Variants in CNTNAP2 observed in about 807,000 individuals in gnomAD.
CNTNAP2 encodes contactin-associated protein-like 2.
Under a neutral mutation model 155.2 loss-of-function variants are expected in CNTNAP2, and 98 were observed. The ratio of observed to expected loss-of-function variants is 0.63; its 90% CI spans 0.54 to 0.75. CNTNAP2 has a LOEUF of 0.75. Among genes scored for constraint, CNTNAP2 ranks in the 30% least tolerant of loss-of-function variants. The pLI, the probability that CNTNAP2 is intolerant of heterozygous loss-of-function variation, is 0.00. For missense variants in CNTNAP2, 1,727 were observed against 1,688.1 expected (o/e 1.02, Z -0.40); for synonymous variants, 651 against 631.2 (o/e 1.03, Z -0.47).
intron 8 of CNTNAP2, among the ~76,000 whole-genome samples, chr7:147,265,441 T>G (rs112916831): frequency 6.6e-6 from 1 of 152,128 alleles, no homozygotes. Context: ...CCCTCCTCAC[T>G]GAGTGGGCCC....
intron 11 of CNTNAP2, among the ~76,000 whole-genome samples, chr7:147,530,749 A>G (rs1168732393): frequency 1.3e-5 from 2 of 152,114 alleles, no homozygotes; most frequent in African/African-American, 2.4e-5. Context: ...ATGTCCTCAC[A>G]TTTCAAAACC....
chr7:146,730,321 A>T (rs925148920), intron 1 of CNTNAP2, among the ~76,000 whole-genome samples: 2 of 152,174 alleles, frequency 1.3e-5, no homozygotes, highest in Admixed American at 6.5e-5. Context: ...TTTCATTGTC[A>T]TTTAATTGCT....
At chr7:148,411,011 AAAT>A (rs1287384137) in intron 23 of CNTNAP2, among the ~76,000 whole-genome samples, 1 of 152,164 alleles carries the variant, frequency 6.6e-6, no homozygotes, top group Non-Finnish European at 1.5e-5. Flanking sequence ...TGCACAATGA[AAAT>A]AATAAAAACT....
chr7:148,266,191 A>C (rs758149070), intron 20 of CNTNAP2, among the ~76,000 whole-genome samples: 40 of 152,248 alleles, frequency 2.6e-4, no homozygotes, highest in Non-Finnish European at 2.8e-4. Flanking sequence ...CTTAGCACGT[A>C]TTAAACTCAC....
At chr7:147,912,887 C>G (rs759796220) in intron 14 of CNTNAP2, among the ~76,000 whole-genome samples, 2 of 152,170 alleles carry the variant, frequency 1.3e-5, no homozygotes, top group Non-Finnish European at 2.9e-5. Context: ...CAAAGGTGTG[C>G]GTCAATCACC....
At chr7:148,162,102 T>TA (rs1170742572) in intron 17 of CNTNAP2, among the ~76,000 whole-genome samples, 9 of 151,912 alleles carry the variant, frequency 5.9e-5, no homozygotes, top group Non-Finnish European at 7.4e-5. Flanking sequence ...ACTCCGGATT[T>TA]AAAAAAAGAC....
chr7:146,268,162 T>C (rs1800023818), intron 1 of CNTNAP2, among the ~76,000 whole-genome samples: 1 of 152,200 alleles, frequency 6.6e-6, no homozygotes, highest in South Asian at 2.1e-4. Flanking sequence ...GGAGAACTTT[T>C]AACTTTGCCT....
intron 13 of CNTNAP2, among the ~76,000 whole-genome samples, chr7:147,654,831 T>G (rs1017600919): frequency 4.8e-5 from 7 of 145,074 alleles, no homozygotes; most frequent in African/African-American, 1.8e-4. Context: ...TTTTTTTTTT[T>G]GAGACTGAGT....
chr7:147,191,439 C>T (rs1802679200), intron 8 of CNTNAP2, among the ~76,000 whole-genome samples: 1 of 152,120 alleles, frequency 6.6e-6, no homozygotes, highest in Non-Finnish European at 1.5e-5. Flanking sequence ...GCTTTACAGG[C>T]TGTGCTCACA....
chr7:147,978,734 T>C (rs903849467), intron 15 of CNTNAP2, among the ~76,000 whole-genome samples: 4 of 152,144 alleles, frequency 2.6e-5, no homozygotes, highest in Non-Finnish European at 4.4e-5. Flanking sequence ...CATCGTTTTC[T>C]CTCTTCTTTC....
At chr7:147,054,449 AT>A (rs1799524581) in intron 4 of CNTNAP2, among the ~76,000 whole-genome samples, 1 of 152,116 alleles carries the variant, frequency 6.6e-6, no homozygotes. Flanking sequence ...TACTTTTTAT[AT>A]ATATGTTAAT....
chr7:148,163,236 G>T (rs1217555875), intron 17 of CNTNAP2, among the ~76,000 whole-genome samples: 1 of 152,080 alleles, frequency 6.6e-6, no homozygotes, highest in Non-Finnish European at 1.5e-5. Flanking sequence ...GCTACTTACT[G>T]GCTATATGAC....
intron 15 of CNTNAP2, among the ~76,000 whole-genome samples, chr7:148,068,544 T>C (rs1803313766): frequency 6.6e-6 from 1 of 152,218 alleles, no homozygotes; most frequent in Non-Finnish European, 1.5e-5. Context: ...AGTGTAGATA[T>C]TTTTATATCC....
At chr7:146,152,626 A>G (rs1281287607) in intron 1 of CNTNAP2, among the ~76,000 whole-genome samples, 1 of 152,142 alleles carries the variant, frequency 6.6e-6, no homozygotes, top group Admixed American at 6.6e-5. Context: ...TGTACTGTGC[A>G]TGGTAAATAC....
chr7:146,465,738 A>T (rs1364704430), intron 1 of CNTNAP2, among the ~76,000 whole-genome samples: 2 of 152,178 alleles, frequency 1.3e-5, no homozygotes, highest in African/African-American at 4.8e-5. Flanking sequence ...TTGATACGGC[A>T]GGATAGGTTA....
At chr7:148,152,801 A>C (rs2116660345) in intron 17 of CNTNAP2, among the ~76,000 whole-genome samples, 1 of 152,234 alleles carries the variant, frequency 6.6e-6, no homozygotes, top group South Asian at 2.1e-4. Context: ...TGGGGGGATC[A>C]CGAAGTCAGG....
chr7:148,020,932 A>G (rs1018488808), intron 15 of CNTNAP2, among the ~76,000 whole-genome samples: 1 of 152,162 alleles, frequency 6.6e-6, no homozygotes, highest in Non-Finnish European at 1.5e-5. Context: ...AACAGGCGCC[A>G]CCTGCCACTT....
chr7:146,352,699 A>AG (rs112214893), intron 1 of CNTNAP2, among the ~76,000 whole-genome samples: 30,631 of 147,158 alleles, frequency 0.21, 6,712 homozygotes, highest in African/African-American at 0.56. Context: ...TGAGGTAAAA[A>AG]AAAATGAAAT....
intron 13 of CNTNAP2, among the ~76,000 whole-genome samples, chr7:147,723,808 A>G (rs751661650): frequency 2.0e-5 from 3 of 152,034 alleles, no homozygotes; most frequent in Non-Finnish European, 2.9e-5. Flanking sequence ...TTCAGTACAC[A>G]TATGCATTGC....
Sources: gnomAD v4.1 joint callset for allele counts (sites outside exome capture counted in the v4.1 genomes callset) on GRCh38, gnomAD v4.1.1 for gene constraint, MANE v1.5 for transcripts, NCBI Gene and HGNC (gene_info 2026-07-23, HGNC 2026-07-21) for gene names.